Variants in SACS observed in about 807,000 individuals in gnomAD.
SACS encodes sacsin.
In SACS, 197 loss-of-function variants were observed where a neutral mutation model predicts 348.0. The observed-to-expected ratio is 0.57, with a 90% CI of 0.50 to 0.64. SACS has a LOEUF of 0.64. SACS is among the 30% of genes least tolerant of loss of function. The pLI is 0.00. For synonymous variants in SACS, 1,985 were observed against 1,910.6 expected, an observed-to-expected ratio of 1.04 and a Z score of -1.02; for missense variants, 4,999 against 5,360.8, an observed-to-expected ratio of 0.93 and a Z score of 2.11.
At position 23,330,295 on chromosome 13, in the gene SACS, T is replaced by C; in HGVS notation, c.13581A>G (p.Glu4527=). 1 of 1,614,220 alleles carries C rather than the reference T, an allele frequency of 6.2e-7. No individual in the cohort carries two copies. The highest frequency in any genetic ancestry group is 8.5e-7 in the Non-Finnish European group (1 of 1,180,014). Residue 4527 remains glutamate, a synonymous_variant, in exon 10 of 10, where the codon GAA becomes GAG. Transcript: ENST00000382292. ...TTTTTAAACTGTCTACACCATAAGC[T>C]TCCAATGTGTGAACATCATTTGTCA... ...EGLTNDVHTL[E]AYGVDSLKTR...
Position 23,341,426 on chromosome 13 carries a change from A to G in SACS, c.2450T>C (p.Leu817Pro). 6.2e-7 allele frequency: 1 copy of G among 1,613,948 alleles called. No homozygotes were observed. The highest frequency in any genetic ancestry group is 8.5e-7 in the Non-Finnish European group (1 of 1,179,938). The change falls in exon 10 of 10, where the codon CTC (leucine) becomes CCC (proline). Residue 817 changes from leucine to proline, a missense_variant. Leu to Pro is a moderately conservative substitution (Grantham distance 98). Transcript: ENST00000382292. ...TAACGATGGAATCCTGAGTCTAATG[A>G]GTTCCACACATGTCTGACCTTCCTC... ...ILEEGQTCVE[L>P]IRLRIPSLVI...
chr13:23,422,928 G>A (rs1354451892), intron 1 of SACS, among the ~76,000 whole-genome samples: 1 of 152,142 alleles, frequency 6.6e-6, no homozygotes, highest in East Asian at 1.9e-4. Flanking sequence ...CTGGAAAAAA[G>A]CTATGTGCGA....
In SACS at chr13:23,335,761, T is replaced by C. The variant is rs756843220; in HGVS notation, c.8115A>G (p.Ala2705=). The C allele has an allele frequency of 6.2e-7, 1 of 1,614,052 alleles. No homozygotes were observed. Among genetic ancestry groups the C allele is most frequent in the East Asian group, 2.2e-5 (1 of 44,886 alleles). ...AAATTTCCGAAACTTTTGCCATTTC[T>C]GCATTACGAAGAGGAAATCTGAACA... ...CTMFRFPLRN[A]EMAKVSEISS... is the part of the protein sequence containing the mutation. The change falls in exon 10 of 10, where the codon GCA becomes GCG. Residue 2705 remains alanine, a synonymous_variant. Coordinates refer to ENST00000382292, the MANE Select transcript of SACS (RefSeq NM_014363.6). The surrounding 1 kb of genome is among the most constrained non-coding windows in gnomAD (Gnocchi z 4.7).
chr13:23,393,372 C>T (rs189072093), intron 2 of SACS, among the ~76,000 whole-genome samples: 14 of 152,312 alleles, frequency 9.2e-5, no homozygotes, highest in Admixed American at 2.6e-4. Context: ...TCCACTTGTT[C>T]CTTCTTTGGG....
intron 2 of SACS, among the ~76,000 whole-genome samples, chr13:23,397,731 G>T (rs908257065): frequency 2.0e-5 from 3 of 152,100 alleles, no homozygotes; most frequent in African/African-American, 7.2e-5. Context: ...TCATATCAAA[G>T]AAAAGAGTCA....
At position 23,336,522 on chromosome 13, in the gene SACS, A is replaced by G. The variant is rs761258047; in HGVS notation, c.7354T>C (p.Leu2452=). ...AGCATAAGATTAGTATCTGGCAATAATATCTTGCCATAATTTTTCTCACAA... is the reference window on the plus strand; with the variant it reads ...AGCATAAGATTAGTATCTGGCAATAGTATCTTGCCATAATTTTTCTCACAA... ...EFCEKNYGKI[L]LPDTNLMLLP... The change falls in exon 10 of 10, where the codon TTA becomes CTA. Residue 2452 remains leucine (L), a synonymous_variant. Coordinates refer to ENST00000382292, the MANE Select transcript of SACS (RefSeq NM_014363.6). 24 of 1,613,780 alleles carry G rather than the reference A, an allele frequency of 1.5e-5. No homozygotes were observed. The highest frequency in any genetic ancestry group is 6.7e-5 in the East Asian group (3 of 44,888).
At chr13:23,346,058 C>T (rs912175050) in intron 9 of SACS, among the ~76,000 whole-genome samples, 1 of 152,182 alleles carries the variant, frequency 6.6e-6, no homozygotes, top group East Asian at 1.9e-4. Flanking sequence ...CACACTGAGC[C>T]AGACTCCAAA....
chr13:23,340,803 T>A lies in SACS; in HGVS notation c.3073A>T (p.Asn1025Tyr), dbSNP rs142300853. 1 of 1,602,036 alleles carries A rather than the reference T, an allele frequency of 6.2e-7. No homozygotes were observed. The highest frequency in any genetic ancestry group is 1.3e-5 in the African/African-American group (1 of 74,350). Reference protein sequence around the residue: ...WVLENLSSLKNENPNVLEWLT... With the variant: ...WVLENLSSLKYENPNVLEWLT... Reference sequence around the variant, plus strand: ...CACTCAAGCACATTTGGATTCTCATTTTTAAGAGAAGATAGATTCTCAAGG... The same window carrying A: ...CACTCAAGCACATTTGGATTCTCATATTTAAGAGAAGATAGATTCTCAAGG... Residue 1025 changes from asparagine to tyrosine, a missense_variant, in exon 10 of 10, where the codon AAT (asparagine) becomes TAT (tyrosine). Around this residue, in one of 6 missense-constraint regions of SACS, gnomAD observed 3,156 missense variants for 3,380.1 expected, o/e 0.93. Transcript: ENST00000382292.
intron 2 of SACS, among the ~76,000 whole-genome samples, chr13:23,408,247 G>A (rs1301145941): frequency 3.3e-5 from 5 of 151,674 alleles, no homozygotes; most frequent in South Asian, 2.1e-4. Context: ...CTGCTCTTAC[G>A]CACACTGTAA....
At chr13:23,360,522 G>A (rs1279263283) in intron 6 of SACS, among the ~76,000 whole-genome samples, 1 of 152,080 alleles carries the variant, frequency 6.6e-6, no homozygotes, top group Middle Eastern at 3.4e-3. Flanking sequence ...TTTCAGCAGG[G>A]GATACACGCA....
intron 2 of SACS, among the ~76,000 whole-genome samples, chr13:23,396,696 T>C (rs1872724964): frequency 6.6e-6 from 1 of 152,196 alleles, no homozygotes; most frequent in African/African-American, 2.4e-5. Flanking sequence ...ATCTTTTCAC[T>C]GTTTTTCTTT....
chr13:23,336,344 G>A lies in SACS; in HGVS notation c.7532C>T (p.Ser2511Phe). The A allele has an allele frequency of 6.2e-7, 1 of 1,614,044 alleles. No individual in the cohort carries two copies. Among genetic ancestry groups the A allele is most frequent in the South Asian group, 1.1e-5 (1 of 91,076 alleles). Reference sequence around the variant, plus strand: ...GCCAAGTGTTGTAAAACAGACATTGGATGCATATCTTTCTAAGGCTTTGTG... The same window carrying A: ...GCCAAGTGTTGTAAAACAGACATTGAATGCATATCTTTCTAAGGCTTTGTG... ...KRHKALERYASNVCFTTLGTE... is the reference protein window; with the variant it reads ...KRHKALERYAFNVCFTTLGTE... The change falls in exon 10 of 10, where the codon TCC becomes TTC. Residue 2511 changes from serine to phenylalanine, a missense_variant. Physicochemically the swap from Ser to Phe is radical, Grantham distance 155. Around this residue, in one of 6 missense-constraint regions of SACS, gnomAD observed 3,156 missense variants for 3,380.1 expected, o/e 0.93. Coordinates refer to ENST00000382292, the MANE Select transcript of SACS (RefSeq NM_014363.6).
chr13:23,412,342 C>CA (rs1253077477), intron 1 of SACS, among the ~76,000 whole-genome samples: 3 of 151,784 alleles, frequency 2.0e-5, no homozygotes, highest in Non-Finnish European at 4.4e-5. Context: ...TTCCAAGTGG[C>CA]AGTATGTGCT....
At chr13:23,365,107 C>A in intron 6 of SACS, 59 bp downstream of exon 6, 1 of 1,053,612 alleles carries the variant, frequency 9.5e-7, no homozygotes, top group Non-Finnish European at 1.5e-6. Flanking sequence ...CATTATTAAT[C>A]ATTAAAAACT....
chr13:23,380,333 C>T (rs1335703831), intron 2 of SACS, among the ~76,000 whole-genome samples: 1 of 152,072 alleles, frequency 6.6e-6, no homozygotes, highest in Non-Finnish European at 1.5e-5. Context: ...AACCAAAGGG[C>T]TTTCTTCACA....
chr13:23,431,018 C>T (rs1467087436), intron 1 of SACS, among the ~76,000 whole-genome samples: 2 of 152,158 alleles, frequency 1.3e-5, no homozygotes, highest in Non-Finnish European at 1.5e-5. Flanking sequence ...TCTAGTCAGT[C>T]TCTCCTTTTA....
chr13:23,367,889 C>T (rs1871156165), intron 5 of SACS, among the ~76,000 whole-genome samples: 1 of 152,172 alleles, frequency 6.6e-6, no homozygotes, highest in Non-Finnish European at 1.5e-5. Flanking sequence ...CCACTGCGCC[C>T]AGCCTGTTTT....
Position 23,334,225 on chromosome 13 carries a change from C to T in SACS, c.9651G>A (p.Leu3217=), listed in dbSNP as rs778613923. Residue 3217 remains leucine (L), a synonymous_variant, in exon 10 of 10, where the codon TTG becomes TTA. Coordinates refer to ENST00000382292, the MANE Select transcript of SACS (RefSeq NM_014363.6). ...ATTCTCGAGGCAACACAGAGGATAA[C>T]AAATCAGCAAAGCTGGAAATGTCAA... ...KVFDISSFAD[L]LSSVLPREYK... The T allele has an allele frequency of 1.9e-6, 3 of 1,613,650 alleles. No individual in the cohort carries two copies. Among genetic ancestry groups the T allele is most frequent in the Non-Finnish European group, 2.5e-6 (3 of 1,179,766 alleles).
In SACS at chr13:23,334,954, T is replaced by C. The variant is rs563864403; in HGVS notation, c.8922A>G (p.Leu2974=). ...TGTAAAGTGCTTTCACTAGACAATA[T>C]AAATCTGGCTGTAGATCAAGACGGT... is the stretch of plus-strand genomic sequence containing the variant. ...PVNRLDLQPD[L]YCLVKALYNC... The change falls in exon 10 of 10, where the codon TTA becomes TTG. Residue 2974 remains leucine, a synonymous_variant. Coordinates refer to ENST00000382292, the MANE Select transcript of SACS (RefSeq NM_014363.6). The C allele has an allele frequency of 1.1e-4, 180 of 1,613,888 alleles. 3 individuals are homozygous for C. In the South Asian group the frequency reaches 1.8e-3, roughly 16 times the overall value.
Sources: gnomAD v4.1 joint callset for allele counts (sites outside exome capture counted in the v4.1 genomes callset) on GRCh38, gnomAD v4.1.1 for gene constraint, gnomAD v4.1.1 regional missense constraint, Gnocchi (gnomAD v3.1) non-coding constraint, MANE v1.5 for transcripts, NCBI Gene and HGNC (gene_info 2026-07-23, HGNC 2026-07-21) for gene names.